Variants in PRR16 observed in about 807,000 individuals in gnomAD.
The protein encoded by PRR16 is proline rich 16.
In PRR16, 6 loss-of-function variants were observed where a neutral mutation model predicts 18.2. The observed-to-expected ratio is 0.33, with a 90% confidence interval of 0.18 to 0.65. PRR16 has a LOEUF of 0.65. Ranked by LOEUF, PRR16 falls within the 30% of genes least tolerant of loss-of-function variation. The probability of loss-of-function intolerance (pLI) is 0.74; values close to 1 mark genes in which losing one functional copy is unlikely to be tolerated. For synonymous variants in PRR16, 151 were observed against 147.8 expected (o/e 1.02, Z -0.16); for missense variants, 412 against 376.6 (o/e 1.09, Z -0.78).
chr5:120,785,563 TTTG>T, the PRR16 span, among the ~76,000 whole-genome samples: 191 of 133,898 alleles, frequency 1.4e-3, 16 homozygotes, highest in South Asian at 0.015. Context: ...GTGTGTGTGT[TTTG>T]TTGTTGTTGT....
At chr5:120,691,259 T>G (rs935014773), downstream of PRR16, among the ~76,000 whole-genome samples, 1 of 152,180 alleles carries the variant, frequency 6.6e-6, no homozygotes, top group Admixed American at 6.5e-5. Context: ...CCGAACTTCG[T>G]AAATCTTTCC....
At chr5:120,678,209 G>C (rs1756868187) in intron 1 of PRR16, among the ~76,000 whole-genome samples, 1 of 152,048 alleles carries the variant, frequency 6.6e-6, no homozygotes. Context: ...TTTATGTCAA[G>C]CTTTGGAGCA....
At chr5:120,775,037 C>A in the PRR16 span, among the ~76,000 whole-genome samples, 2 of 152,148 alleles carry the variant, frequency 1.3e-5, no homozygotes, top group Non-Finnish European at 2.9e-5. Flanking sequence ...TCTAACCTTA[C>A]TCATTAAAGG....
chr5:120,487,055 T>C (rs1749830781), intron 1 of PRR16, among the ~76,000 whole-genome samples: 1 of 152,222 alleles, frequency 6.6e-6, no homozygotes, highest in Admixed American at 6.5e-5. Context: ...TGTAGCCTTG[T>C]AGTATAGTTT....
intron 1 of PRR16, among the ~76,000 whole-genome samples, chr5:120,496,986 T>A (rs1750266521): frequency 2.0e-5 from 3 of 152,182 alleles, no homozygotes; most frequent in Admixed American, 2.0e-4. Context: ...GGGTGTTGTA[T>A]AGTTTCCACC....
chr5:120,716,744 C>T, the PRR16 span, among the ~76,000 whole-genome samples: 15 of 152,062 alleles, frequency 9.9e-5, no homozygotes, highest in South Asian at 2.1e-4. Flanking sequence ...TGGTGGCGGG[C>T]GCTTATAATC....
the PRR16 span, among the ~76,000 whole-genome samples, chr5:120,776,070 A>C: frequency 1.3e-5 from 2 of 152,168 alleles, no homozygotes; most frequent in African/African-American, 4.8e-5. Flanking sequence ...ATGCAGGTCT[A>C]AGCTCCCTCT....
At chr5:120,669,176 G>A (rs1228409731) in intron 1 of PRR16, among the ~76,000 whole-genome samples, 2 of 152,000 alleles carry the variant, frequency 1.3e-5, no homozygotes, top group East Asian at 3.9e-4. Context: ...AGCAGATTTG[G>A]TACAACTTGC....
chr5:120,761,095 T>A, the PRR16 span, among the ~76,000 whole-genome samples: 1 of 148,362 alleles, frequency 6.7e-6, no homozygotes, highest in Non-Finnish European at 1.5e-5. Context: ...ATATAAAATT[T>A]ATTATTTTAT....
chr5:120,513,983 C>T (rs542504283), intron 1 of PRR16, among the ~76,000 whole-genome samples: 5 of 152,096 alleles, frequency 3.3e-5, no homozygotes, highest in Non-Finnish European at 7.4e-5. Context: ...TGGTCTCGAA[C>T]TCCTGACCTC....
chr5:120,785,846 G>T, the PRR16 span, among the ~76,000 whole-genome samples: 7 of 151,740 alleles, frequency 4.6e-5, no homozygotes, highest in African/African-American at 1.7e-4. Context: ...TGGGATTACA[G>T]ATGTGAGCTA....
downstream of PRR16, among the ~76,000 whole-genome samples, chr5:120,691,941 G>A (rs1446989656): frequency 6.6e-6 from 1 of 152,022 alleles, no homozygotes; most frequent in African/African-American, 2.4e-5. Context: ...CCTTCATAAC[G>A]ACCCAATATC....
At chr5:120,740,586 G>T in the PRR16 span, among the ~76,000 whole-genome samples, 1 of 152,010 alleles carries the variant, frequency 6.6e-6, no homozygotes, top group Non-Finnish European at 1.5e-5. Context: ...GCCTACTTTT[G>T]TATGACTATA....
chr5:120,486,678 T>C (rs1749812145), intron 1 of PRR16, among the ~76,000 whole-genome samples: 4 of 152,318 alleles, frequency 2.6e-5, no homozygotes, highest in Admixed American at 2.6e-4. Flanking sequence ...TTTTTGTCTT[T>C]TGTTGCCATT....
rs529926112 is a variant in PRR16, at chr5:120,525,610, CTTTTTTT to C, written c.159+60976_159+60982del. Among the ~76,000 whole-genome samples, 3 of 129,080 alleles carry C rather than the reference CTTTTTTT, an allele frequency of 2.3e-5. No homozygotes were observed. The East Asian group carries it at 6.7e-4, about 29-fold the overall frequency. 84.7% of individuals were successfully genotyped at this position (129,080 alleles called of 152,430 possible). Reference sequence around the variant, plus strand: ...TCCTTTAGTAGCAACATCAATATTGCTTTTTTTTTTTTTTTTTGTAACTCTTAGGCAG... The same window carrying C: ...TCCTTTAGTAGCAACATCAATATTGCTTTTTTTTTTGTAACTCTTAGGCAG... On this transcript the variant is annotated intron_variant, in intron 1 of 1. Coordinates refer to ENST00000407149, the MANE Select transcript of PRR16 (RefSeq NM_001300783.2).
intron 1 of PRR16, among the ~76,000 whole-genome samples, chr5:120,676,158 G>A (rs1035303738): frequency 1.3e-5 from 2 of 152,082 alleles, no homozygotes; most frequent in African/African-American, 4.8e-5. Context: ...TTCAGAGAAA[G>A]CTTGTTGCTT....
intron 1 of PRR16, among the ~76,000 whole-genome samples, chr5:120,663,259 C>T (rs1756239133): frequency 6.6e-6 from 1 of 151,756 alleles, no homozygotes; most frequent in African/African-American, 2.4e-5. Flanking sequence ...TGAATTATGC[C>T]TTCTTAGTTT....
chr5:120,793,248 T>G, the PRR16 span, among the ~76,000 whole-genome samples: 9 of 152,106 alleles, frequency 5.9e-5, no homozygotes, highest in Non-Finnish European at 1.3e-4. Flanking sequence ...TAGTTCCTTG[T>G]TAATGGAATG....
chr5:120,555,814 T>A (rs1752390455), intron 1 of PRR16, among the ~76,000 whole-genome samples: 1 of 141,580 alleles, frequency 7.1e-6, no homozygotes. Context: ...TTTTTTTTTT[T>A]TATGTTTGAG....
Sources: gnomAD v4.1 joint callset for allele counts (sites outside exome capture counted in the v4.1 genomes callset) on GRCh38, gnomAD v4.1.1 for gene constraint, MANE v1.5 for transcripts, NCBI Gene and HGNC (gene_info 2026-07-23, HGNC 2026-07-21) for gene names.